The following RBFOX1 variants were observed in gnomAD, a reference collection of about 807,000 sequenced individuals.
RBFOX1 encodes the protein RNA binding protein fox-1 homolog 1.
Under a neutral mutation model 57.7 loss-of-function variants are expected in RBFOX1, and 8 were observed. The ratio of observed to expected loss-of-function variants is 0.14; its 90% CI spans 0.08 to 0.25. RBFOX1 has a LOEUF of 0.25. RBFOX1 is among the 10% of genes least tolerant of loss of function. The probability of loss-of-function intolerance (pLI) is 1.00; values close to 1 mark genes in which losing one functional copy is unlikely to be tolerated. For synonymous variants in RBFOX1, 326 were observed against 222.4 expected (o/e 1.47, Z -4.15); for missense variants, 611 against 548.5 (o/e 1.11, Z -1.14).
chr16:7,216,106 C>T (rs1307618771), intron 4 of RBFOX1, among the ~76,000 whole-genome samples: 1 of 152,144 alleles, frequency 6.6e-6, no homozygotes, highest in African/African-American at 2.4e-5. Context: ...TTACGGGGTT[C>T]ATCCATGTTA....
intron 4 of RBFOX1, among the ~76,000 whole-genome samples, chr16:7,286,026 G>T (rs1015135563): frequency 6.6e-6 from 1 of 152,106 alleles, no homozygotes; most frequent in Non-Finnish European, 1.5e-5. Context: ...CTGCTTGTTT[G>T]TATCTTTAAT....
intron 4 of RBFOX1, among the ~76,000 whole-genome samples, chr16:7,464,404 C>G (rs1225081980): frequency 2.0e-5 from 3 of 151,978 alleles, no homozygotes; most frequent in Non-Finnish European, 4.4e-5. Context: ...CAAGATCAAA[C>G]AAGACATCGG....
At chr16:5,655,376 A>G (rs1373954397) in intron 3 of RBFOX1, among the ~76,000 whole-genome samples, 3 of 152,252 alleles carry the variant, frequency 2.0e-5, no homozygotes, top group African/African-American at 7.2e-5. Flanking sequence ...GAAAGACATC[A>G]AGCATCACAG....
intron 10 of RBFOX1, among the ~76,000 whole-genome samples, chr16:7,629,054 G>T (rs1316841030): frequency 6.6e-6 from 1 of 152,174 alleles, no homozygotes; most frequent in African/African-American, 2.4e-5. Flanking sequence ...TGTGTGAAGG[G>T]CTATTTTGCG....
At chr16:7,321,082 C>CATATACATATACATATACATATAT (rs2096537259) in intron 4 of RBFOX1, among the ~76,000 whole-genome samples, 1 of 113,526 alleles carries the variant, frequency 8.8e-6, no homozygotes, top group Non-Finnish European at 1.8e-5. Context: ...TATACGTATA[C>CATATACATATACATATACATATAT]ATATACATAT....
chr16:7,152,744 T>C (rs2076334971), intron 4 of RBFOX1, among the ~76,000 whole-genome samples: 1 of 152,200 alleles, frequency 6.6e-6, no homozygotes, highest in African/African-American at 2.4e-5. Context: ...AAAAATAGTT[T>C]AGAATTGTTC....
At chr16:5,782,344 C>T (rs1448112029) in intron 3 of RBFOX1, among the ~76,000 whole-genome samples, 1 of 152,176 alleles carries the variant, frequency 6.6e-6, no homozygotes, top group Non-Finnish European at 1.5e-5. Context: ...GTTGTGTCCT[C>T]CTATGATGGA....
At chr16:6,941,454 C>T (rs1279823907) in intron 3 of RBFOX1, among the ~76,000 whole-genome samples, 2 of 151,564 alleles carry the variant, frequency 1.3e-5, no homozygotes, top group African/African-American at 4.8e-5. Flanking sequence ...CACCAAAGTC[C>T]TCTAACATAC....
At chr16:6,148,574 TC>T (rs2096775758) in intron 1 of RBFOX1, among the ~76,000 whole-genome samples, 1 of 152,168 alleles carries the variant, frequency 6.6e-6, no homozygotes, top group African/African-American at 2.4e-5. Context: ...AGAGTCATGT[TC>T]CTGGCACCTA....
chr16:6,130,009 C>T (rs893573811), intron 1 of RBFOX1, among the ~76,000 whole-genome samples: 2 of 152,032 alleles, frequency 1.3e-5, no homozygotes, highest in African/African-American at 4.8e-5. Context: ...AATGTGTCAG[C>T]AGCACAAGAA....
chr16:6,331,030 C>G (rs145347847), intron 2 of RBFOX1, among the ~76,000 whole-genome samples: 1 of 152,166 alleles, frequency 6.6e-6, no homozygotes, highest in Non-Finnish European at 1.5e-5. Flanking sequence ...GTGCCTTGGG[C>G]AGCTCTTAAG....
At chr16:7,651,825 C>A (rs961205923) in intron 11 of RBFOX1, among the ~76,000 whole-genome samples, 2 of 152,166 alleles carry the variant, frequency 1.3e-5, no homozygotes, top group African/African-American at 2.4e-5. Context: ...CAGGGACTTA[C>A]CAAATGCATT....
chr16:5,849,728 G>A (rs927731616), intron 3 of RBFOX1, among the ~76,000 whole-genome samples: 3 of 152,076 alleles, frequency 2.0e-5, no homozygotes, highest in South Asian at 2.1e-4. Context: ...TTAGCATCTC[G>A]CCGATGCACA....
intron 3 of RBFOX1, among the ~76,000 whole-genome samples, chr16:5,784,203 C>T (rs941318194): frequency 2.6e-5 from 4 of 152,036 alleles, no homozygotes; most frequent in Non-Finnish European, 4.4e-5. Context: ...AGGTGGATCA[C>T]GAGGTCAGGA....
intron 3 of RBFOX1, among the ~76,000 whole-genome samples, chr16:5,664,882 A>G (rs1451868276): frequency 1.3e-5 from 2 of 151,664 alleles, no homozygotes; most frequent in African/African-American, 4.8e-5. Context: ...AAGGCCCTGC[A>G]CACTTGGCCT....
rs765149103 is a variant in RBFOX1, at chr16:7,630,646, G to A, written c.720G>A (p.Met240Ile). The A allele has an allele frequency of 1.4e-5, 23 of 1,614,064 alleles. No individual in the cohort carries two copies. Among genetic ancestry groups the A allele is most frequent in the Admixed American group, 1.7e-5 (1 of 60,006 alleles). ...AGGCCAACCAGGAGGGATCTTCCATGTACAGTGCCCCCAGTTCACTTGTAT... is the reference window on the plus strand; with the variant it reads ...AGGCCAACCAGGAGGGATCTTCCATATACAGTGCCCCCAGTTCACTTGTAT... The part of the protein sequence containing the change: ...LCQANQEGSS[M>I]YSAPSSLVYT... The change falls in exon 11 of 16, where the codon ATG (methionine) becomes ATA (isoleucine). Residue 240 changes from methionine (M) to isoleucine (I), a missense_variant. Physicochemically the swap from Met to Ile is conservative, Grantham distance 10 (BLOSUM62 1). Transcript: ENST00000550418.
At chr16:6,608,034 T>C (rs2097970338) in intron 2 of RBFOX1, among the ~76,000 whole-genome samples, 1 of 152,192 alleles carries the variant, frequency 6.6e-6, no homozygotes, top group African/African-American at 2.4e-5. Flanking sequence ...TTTTATCTTC[T>C]ACATCAAAAA....
chr16:6,858,314 G>T (rs571345988), intron 3 of RBFOX1, among the ~76,000 whole-genome samples: 114 of 152,272 alleles, frequency 7.5e-4, no homozygotes, highest in Non-Finnish European at 1.3e-3. Flanking sequence ...ACTAGATTAG[G>T]ATATCTAGCT....
intron 4 of RBFOX1, among the ~76,000 whole-genome samples, chr16:7,301,131 A>G (rs573429216): frequency 2.7e-4 from 41 of 152,322 alleles, no homozygotes; most frequent in African/African-American, 9.9e-4. Context: ...AGGCTGGCAA[A>G]GTGTTGTCAT....
Sources: gnomAD v4.1 joint callset for allele counts (sites outside exome capture counted in the v4.1 genomes callset) on GRCh38, gnomAD v4.1.1 for gene constraint, MANE v1.5 for transcripts, NCBI Gene and HGNC (gene_info 2026-07-23, HGNC 2026-07-21) for gene names.